SLCO3A1: variants seen among roughly 807,000 people sequenced by gnomAD.
SLCO3A1 encodes solute carrier organic anion transporter family member 3A1, also known as PGE1 transporter.
A neutral mutation model predicts 63.1 loss-of-function variants in SLCO3A1; 27 were observed. The observed-to-expected ratio is 0.43, with a 90% confidence interval of 0.32 to 0.59. The LOEUF is 0.59. SLCO3A1 is among the 20% of genes least tolerant of loss of function. The pLI, the probability that SLCO3A1 is intolerant of heterozygous loss-of-function variation, is 0.09. For synonymous variants in SLCO3A1, 473 were observed against 409.9 expected (o/e 1.15, Z -1.86); for missense variants, 773 against 945.8 (o/e 0.82, Z 2.40).
At chr15:91,984,281 A>G (rs2046023179) in intron 2 of SLCO3A1, among the ~76,000 whole-genome samples, 1 of 152,196 alleles carries the variant, frequency 6.6e-6, no homozygotes, top group Admixed American at 6.5e-5. Context: ...AAGGGAGATA[A>G]AGTTAAATTT....
At chr15:91,899,229 CA>C (rs1405889853) in intron 1 of SLCO3A1, among the ~76,000 whole-genome samples, 3 of 152,136 alleles carry the variant, frequency 2.0e-5, no homozygotes, top group African/African-American at 7.2e-5. Context: ...TGATGTAGAA[CA>C]GGGAGAGAGA....
At chr15:92,101,823 G>A (rs1463674247) in intron 3 of SLCO3A1, among the ~76,000 whole-genome samples, 1 of 152,164 alleles carries the variant, frequency 6.6e-6, no homozygotes, top group African/African-American at 2.4e-5. Context: ...CGGGTGGCAG[G>A]CGGGCTTTGG....
rs528636496 is a variant in SLCO3A1, at chr15:91,912,859, C to T, written c.181-3134C>T. On this transcript the variant is annotated intron_variant, in intron 1 of 9. Transcript: ENST00000318445. This position sits in a 1 kb window ranked among gnomAD's most constrained non-coding sequence, Gnocchi z 5.0. ...AGTCCCCTTTGGACCTCTCAAGACTCACACAAAGGCCTGGGCGAGGCTCCC... is the reference window on the plus strand; with the variant it reads ...AGTCCCCTTTGGACCTCTCAAGACTTACACAAAGGCCTGGGCGAGGCTCCC... Among the ~76,000 whole-genome samples, 82 of 152,304 alleles carry T rather than the reference C, an allele frequency of 5.4e-4. No individual in the cohort carries two copies. Among genetic ancestry groups the T allele is most frequent in the South Asian group, 1.2e-3 (6 of 4,826 alleles).
rs2151425787 is a variant in SLCO3A1 at position 91,967,018 on chromosome 15, T to G, written c.646+50560T>G. Among the ~76,000 whole-genome samples, 1 of 151,912 alleles carries G rather than the reference T, an allele frequency of 6.6e-6. No individual in the cohort carries two copies. The highest frequency in any genetic ancestry group is 1.9e-4 in the East Asian group (1 of 5,162). On this transcript the variant is annotated intron_variant, in intron 2 of 9. Coordinates refer to ENST00000318445, the MANE Select transcript of SLCO3A1 (RefSeq NM_013272.4). This position sits in a 1 kb window ranked among gnomAD's most constrained non-coding sequence, Gnocchi z 4.4. ...TTTTTTTTTTTGACAGCAAGAGAGA[T>G]GAGATACAATTTGTATTTTTGAACT...
rs188902952 is a variant in SLCO3A1 at position 91,875,929 on chromosome 15, C to T, written c.180+21841C>T. Among the ~76,000 whole-genome samples, 44 of 152,216 alleles carry T rather than the reference C, an allele frequency of 2.9e-4. No homozygotes were observed. Among genetic ancestry groups the T allele is most frequent in the African/African-American group, 1.0e-3 (43 of 41,534 alleles). On this transcript the variant is annotated intron_variant, in intron 1 of 9. Coordinates refer to ENST00000318445, the MANE Select transcript of SLCO3A1 (RefSeq NM_013272.4). This position sits in a 1 kb window ranked among gnomAD's most constrained non-coding sequence, Gnocchi z 4.5. ...AAAGCCTAAAATAGCTGCTATCTGGCCTTTACAGAAAAGGTTTGCTACCCC... is the reference window on the plus strand; with the variant it reads ...AAAGCCTAAAATAGCTGCTATCTGGTCTTTACAGAAAAGGTTTGCTACCCC...
chr15:92,162,957 A>G lies in SLCO3A1; in HGVS notation c.1955A>G (p.Tyr652Cys), dbSNP rs760179294. 9 of 1,614,050 alleles carry G rather than the reference A, an allele frequency of 5.6e-6. No individual in the cohort carries two copies. The highest frequency in any genetic ancestry group is 1.6e-4 in the Middle Eastern group (1 of 6,082). The change falls in exon 10 of 10, where the codon TAT (tyrosine) becomes TGT (cysteine). Residue 652 changes from tyrosine (Y) to cysteine (C), a missense_variant. This residue lies in a region of SLCO3A1 where 139 missense variants were observed against 131.4 expected (regional missense o/e 1.06). Coordinates refer to ENST00000318445, the MANE Select transcript of SLCO3A1 (RefSeq NM_013272.4). ...ACGTGGCAGTGCCTGAGGAAAAACTATAAACGCTACATCAAAAACCACGAG... is the reference window on the plus strand; with the variant it reads ...ACGTGGCAGTGCCTGAGGAAAAACTGTAAACGCTACATCAAAAACCACGAG... ...TTTWQCLRKN[Y>C]KRYIKNHEGG... is the part of the protein sequence containing the mutation.
chr15:91,888,999 G>C, intron 1 of SLCO3A1: 1 of 381,538 alleles, frequency 2.6e-6, no homozygotes, highest in Non-Finnish European at 4.3e-6. Context: ...ACAAGAGTGA[G>C]ACTGTCTCTA....
intron 2 of SLCO3A1, among the ~76,000 whole-genome samples, chr15:92,075,296 A>G (rs1001841029): frequency 6.6e-6 from 1 of 152,082 alleles, no homozygotes; most frequent in East Asian, 1.9e-4. Context: ...TAGTTATTAC[A>G]TGGCACGGCT....
At chr15:92,025,106 G>C (rs924086850) in intron 2 of SLCO3A1, among the ~76,000 whole-genome samples, 3 of 151,338 alleles carry the variant, frequency 2.0e-5, no homozygotes, top group African/African-American at 7.3e-5. Flanking sequence ...GGCATATTGA[G>C]AGAGAATGAT....
downstream of SLCO3A1, among the ~76,000 whole-genome samples, chr15:92,166,469 A>G (rs2151608035): frequency 6.6e-6 from 1 of 152,310 alleles, no homozygotes; most frequent in East Asian, 1.9e-4. Flanking sequence ...TCTAGTGCTG[A>G]CTTTTAAAGA....
At chr15:92,136,734 C>T (rs1034157022) in intron 7 of SLCO3A1, among the ~76,000 whole-genome samples, 15 of 152,104 alleles carry the variant, frequency 9.9e-5, no homozygotes, top group African/African-American at 1.9e-4. Flanking sequence ...CACCTGTGTC[C>T]GCTATTTACT....
At chr15:91,974,060 A>G (rs897222323) in intron 2 of SLCO3A1, among the ~76,000 whole-genome samples, 14 of 152,048 alleles carry the variant, frequency 9.2e-5, no homozygotes, top group South Asian at 2.1e-4. Context: ...CAAGGCAGGC[A>G]AGAGAGAGTG....
chr15:92,163,762 T>C lies in SLCO3A1; in HGVS notation c.*627T>C. ...CATGTGGTTCAAGGCCCCAGAGTTC[T>C]CTCAGTGATGCTAATGGGTGATCCG... is the stretch of plus-strand genomic sequence containing the variant. On this transcript the variant is annotated 3_prime_UTR_variant, in exon 10 of 10. Transcript: ENST00000318445. The C allele has an allele frequency of 1.0e-6, 1 of 985,434 alleles. No individual in the cohort carries two copies. Among genetic ancestry groups the C allele is most frequent in the African/African-American group, 1.7e-5 (1 of 57,340 alleles). 61.0% of individuals were successfully genotyped at this position (985,434 alleles called of 1,614,324 possible). A position where few individuals can be genotyped will look rare whatever the true frequency, so the allele number is the denominator to read the frequency against.
chr15:91,909,387 A>G (rs1898413004), intron 1 of SLCO3A1, among the ~76,000 whole-genome samples: 1 of 152,194 alleles, frequency 6.6e-6, no homozygotes, highest in African/African-American at 2.4e-5. Flanking sequence ...AGAGTTGAGT[A>G]GCTGCTATGA....
chr15:92,142,448 C>G (rs1018266070), intron 7 of SLCO3A1, among the ~76,000 whole-genome samples: 3 of 152,206 alleles, frequency 2.0e-5, no homozygotes. Context: ...AGGGGCAAGG[C>G]AGTTCTCTGG....
chr15:91,899,275 G>A (rs1003665386), intron 1 of SLCO3A1, among the ~76,000 whole-genome samples: 1 of 152,138 alleles, frequency 6.6e-6, no homozygotes, highest in Non-Finnish European at 1.5e-5. Context: ...AGTGTGGGGG[G>A]GATGGGGCTA....
intron 3 of SLCO3A1, among the ~76,000 whole-genome samples, chr15:92,102,344 C>A (rs911341651): frequency 6.6e-6 from 1 of 152,036 alleles, no homozygotes; most frequent in African/African-American, 2.4e-5. Context: ...TTAAAAAGAT[C>A]CCTATTTTGA....
chr15:91,861,582 A>G (rs886433792), intron 1 of SLCO3A1, among the ~76,000 whole-genome samples: 5 of 152,168 alleles, frequency 3.3e-5, no homozygotes, highest in African/African-American at 1.2e-4. Flanking sequence ...ATCAACACAC[A>G]TTGAAAATAT....
rs1233580593 is a variant in SLCO3A1 at position 92,148,874 on chromosome 15, G to GTGTT, written c.1688+1717_1688+1720dup. 8 of 152,252 alleles carry GTGTT rather than the reference G, an allele frequency of 5.3e-5. No homozygotes were observed. In the South Asian group the frequency reaches 1.0e-3, roughly 20 times the overall value. The allele number at this position is 152,252 out of a possible 1,614,324, so 9.4% of individuals were successfully genotyped here. ...AATGAAAATTCTTAAGAATGTGAAAGTGTTTATGAAATGAACTATTGAATT... is the reference window on the plus strand; with the variant it reads ...AATGAAAATTCTTAAGAATGTGAAAGTGTTTGTTTATGAAATGAACTATTGAATT... On this transcript the variant is annotated intron_variant, in intron 8 of 9. Coordinates refer to ENST00000318445, the MANE Select transcript of SLCO3A1 (RefSeq NM_013272.4).
Sources: gnomAD v4.1 joint callset for allele counts (sites outside exome capture counted in the v4.1 genomes callset) on GRCh38, gnomAD v4.1.1 for gene constraint, gnomAD v4.1.1 regional missense constraint, Gnocchi (gnomAD v3.1) non-coding constraint, MANE v1.5 for transcripts, NCBI Gene and HGNC (gene_info 2026-07-23, HGNC 2026-07-21) for gene names.